The following CHN2 variants were observed in gnomAD, a reference collection of about 807,000 sequenced individuals.
The protein encoded by CHN2 is chimerin 2, also known as beta-chimaerin.
CHN2 carries 35 observed loss-of-function variants against 56.3 expected under a neutral mutation model. That is an observed-to-expected ratio of 0.62 (90% CI 0.47 to 0.82). The LOEUF (loss-of-function observed/expected upper bound fraction) is 0.82. Among genes scored for constraint, CHN2 ranks in the 40% least tolerant of loss-of-function variants. CHN2 has a pLI of 0.00. For missense variants in CHN2, 491 were observed against 580.5 expected (o/e 0.85, Z 1.58); for synonymous variants, 210 against 212.8 (o/e 0.99, Z 0.12).
intron 1 of CHN2, among the ~76,000 whole-genome samples, chr7:29,203,409 G>A (rs1242353710): frequency 7.5e-6 from 1 of 134,170 alleles, no homozygotes; most frequent in African/African-American, 2.9e-5. Context: ...AGAGGTTGTA[G>A]TGAGCAGAGA....
In CHN2 at chr7:29,507,070, C is replaced by G. The variant is rs111653069; in HGVS notation, c.992-158C>G. ...TACCTCCCTCTCACCAAACTCCTTT[C>G]TGTTGCCTCCTACACTTCAGTGTTA... On this transcript the variant is annotated intron_variant, in intron 10 of 12. Coordinates refer to ENST00000222792, the MANE Select transcript of CHN2 (RefSeq NM_004067.4). 1.8e-3 allele frequency among the ~76,000 whole-genome samples: 278 copies of G among 152,296 alleles called. 3 individuals are homozygous for G. The highest frequency in any genetic ancestry group is 6.2e-3 in the African/African-American group (257 of 41,580).
chr7:29,163,679 C>T (rs1795507362), intron 2 of CHN2, among the ~76,000 whole-genome samples: 1 of 152,114 alleles, frequency 6.6e-6, no homozygotes, highest in South Asian at 2.1e-4. Context: ...TCTCATTGCC[C>T]CCAAAAGTTT....
intron 2 of CHN2, among the ~76,000 whole-genome samples, chr7:29,183,471 G>A (rs1367851035): frequency 6.6e-6 from 1 of 151,710 alleles, no homozygotes. Context: ...TTGTCTCTTG[G>A]GTTCAAACAA....
intron 6 of CHN2, among the ~76,000 whole-genome samples, chr7:29,438,424 T>C (rs747822302): frequency 5.3e-5 from 8 of 152,248 alleles, no homozygotes; most frequent in Non-Finnish European, 8.8e-5. Flanking sequence ...AACAAAATCA[T>C]TTTTAATGGC....
intron 1 of CHN2, among the ~76,000 whole-genome samples, chr7:29,350,651 G>T (rs1797807991): frequency 2.6e-5 from 4 of 152,304 alleles, no homozygotes; most frequent in South Asian, 2.1e-4. Flanking sequence ...GACATTAGCT[G>T]CAGTGAAGAG....
chr7:29,483,286 C>A (rs1483690813), intron 7 of CHN2, among the ~76,000 whole-genome samples: 1 of 152,122 alleles, frequency 6.6e-6, no homozygotes, highest in Non-Finnish European at 1.5e-5. Context: ...TGAATAGAAA[C>A]CCCCAACATT....
intron 2 of CHN2, among the ~76,000 whole-genome samples, chr7:29,164,225 G>A (rs912034561): frequency 1.3e-5 from 2 of 152,104 alleles, no homozygotes; most frequent in African/African-American, 4.8e-5. Flanking sequence ...ATTTAAACTT[G>A]AATTTTCCTA....
At chr7:29,294,961 C>T (rs906494913) in intron 1 of CHN2, among the ~76,000 whole-genome samples, 2 of 152,138 alleles carry the variant, frequency 1.3e-5, no homozygotes, top group African/African-American at 4.8e-5. Context: ...GGCAGTCATC[C>T]TCTGTATCTT....
intron 1 of CHN2, among the ~76,000 whole-genome samples, chr7:29,311,308 C>G (rs573348105): frequency 2.6e-5 from 4 of 152,350 alleles, no homozygotes; most frequent in African/African-American, 9.6e-5. Context: ...CACGTGTTCT[C>G]TTGGAGTCTT....
At chr7:29,424,634 GT>G (rs1485639501) in intron 6 of CHN2, among the ~76,000 whole-genome samples, 1 of 152,134 alleles carries the variant, frequency 6.6e-6, no homozygotes, top group Admixed American at 6.5e-5. Context: ...TTCGTACATT[GT>G]TTTTAAAAAT....
intron 6 of CHN2, among the ~76,000 whole-genome samples, chr7:29,431,114 T>C (rs1176606238): frequency 6.6e-6 from 1 of 152,138 alleles, no homozygotes; most frequent in Non-Finnish European, 1.5e-5. Flanking sequence ...CCACAACTCA[T>C]AGAATATGAT....
intron 1 of CHN2, among the ~76,000 whole-genome samples, chr7:29,248,645 G>A (rs2128816512): frequency 6.6e-6 from 1 of 152,298 alleles, no homozygotes; most frequent in African/African-American, 2.4e-5. Context: ...CAAGGCCTCA[G>A]TCTTCTCTGC....
At chr7:29,324,099 C>T (rs183887213) in intron 1 of CHN2, among the ~76,000 whole-genome samples, 140 of 150,228 alleles carry the variant, frequency 9.3e-4, no homozygotes, top group African/African-American at 2.9e-3. Flanking sequence ...AGGTGGGGGG[C>T]GGGCACAGGA....
At chr7:29,326,183 G>T (rs570559436) in intron 1 of CHN2, among the ~76,000 whole-genome samples, 2 of 152,110 alleles carry the variant, frequency 1.3e-5, no homozygotes, top group South Asian at 4.2e-4. Context: ...TTTTGAGACG[G>T]AGTCTCACTC....
At chr7:29,261,601 T>C (rs893609039) in intron 1 of CHN2, among the ~76,000 whole-genome samples, 2 of 152,364 alleles carry the variant, frequency 1.3e-5, no homozygotes, top group South Asian at 4.1e-4. Context: ...CTTTGCCTTA[T>C]ACTGGAATCC....
At position 29,513,239 on chromosome 7, in the gene CHN2, C is replaced by T. The variant is rs76079432; in HGVS notation, c.*504C>T. ...GTGCATTGGTTATTACCCTGTGTACCTTGTCCCTCATTTTGCTGTGACACC... is the reference window on the plus strand; with the variant it reads ...GTGCATTGGTTATTACCCTGTGTACTTTGTCCCTCATTTTGCTGTGACACC... On this transcript the variant is annotated 3_prime_UTR_variant, in exon 13 of 13. Coordinates refer to ENST00000222792, the MANE Select transcript of CHN2 (RefSeq NM_004067.4). 15,357 of 152,856 alleles carry T rather than the reference C, an allele frequency of 0.1. 996 individuals carry two copies. Among genetic ancestry groups the T allele is most frequent in the Non-Finnish European group, 0.14 (9,414 of 68,178 alleles). 9.5% of individuals were successfully genotyped at this position (152,856 alleles called of 1,614,324 possible).
At chr7:29,229,486 A>G (rs1178171278) in intron 1 of CHN2, among the ~76,000 whole-genome samples, 1 of 152,252 alleles carries the variant, frequency 6.6e-6, no homozygotes, top group African/African-American at 2.4e-5. Context: ...AGATCTAGAT[A>G]GAAAGAATGG....
intron 6 of CHN2, among the ~76,000 whole-genome samples, chr7:29,466,989 A>G (rs1251358941): frequency 6.6e-6 from 1 of 152,234 alleles, no homozygotes; most frequent in Non-Finnish European, 1.5e-5. Flanking sequence ...GATTTTTTAA[A>G]TATACCTGTA....
At chr7:29,332,291 G>A (rs1796284053) in intron 1 of CHN2, among the ~76,000 whole-genome samples, 1 of 152,096 alleles carries the variant, frequency 6.6e-6, no homozygotes, top group African/African-American at 2.4e-5. Context: ...TGCCTACCCT[G>A]TGGGGTTCTT....
Sources: allele counts gnomAD v4.1 joint callset (sites outside exome capture counted in the v4.1 genomes callset), GRCh38; gene constraint gnomAD v4.1.1; transcripts MANE v1.5; gene names NCBI Gene and HGNC (gene_info 2026-07-23, HGNC 2026-07-21).